KIAA1671: variants seen among roughly 807,000 people sequenced by gnomAD.
KIAA1671 encodes uncharacterized protein KIAA1671.
Under a neutral mutation model 131.2 loss-of-function variants are expected in KIAA1671, and 52 were observed. That is an observed-to-expected ratio of 0.40 (90% CI 0.32 to 0.50). The LOEUF (loss-of-function observed/expected upper bound fraction) is 0.50, where lower values mean the gene tolerates loss of function less well. Ranked by LOEUF, KIAA1671 falls within the 20% of genes least tolerant of loss-of-function variation. The pLI is 0.73. For missense variants in KIAA1671, 2,360 were observed against 2,364.2 expected (o/e 1.00, Z 0.04); for synonymous variants, 1,003 against 961.6 (o/e 1.04, Z -0.80).
chr22:25,067,495 C>T (rs1458127006), intron 6 of KIAA1671, among the ~76,000 whole-genome samples: 2 of 152,054 alleles, frequency 1.3e-5, no homozygotes, highest in Non-Finnish European at 2.9e-5. Context: ...CCTCTCCCTC[C>T]ATGTCTCTCG....
At chr22:25,112,362 C>T (rs949573152) in intron 6 of KIAA1671, 1 of 399,010 alleles carries the variant, frequency 2.5e-6, no homozygotes, top group African/African-American at 2.1e-5. Context: ...CGACACCTGG[C>T]TTCCCGGAGT....
At chr22:24,972,459 C>CAT (rs1922673228) in intron 1 of KIAA1671, among the ~76,000 whole-genome samples, 2 of 151,900 alleles carry the variant, frequency 1.3e-5, no homozygotes, top group African/African-American at 4.8e-5. Flanking sequence ...CATGCATGCA[C>CAT]GCATGCATGC....
intron 6 of KIAA1671, among the ~76,000 whole-genome samples, chr22:25,069,098 T>C (rs6004418): frequency 0.2 from 29,700 of 152,120 alleles, 2,990 homozygotes; most frequent in Non-Finnish European, 0.22. Context: ...CCTGTCTCAC[T>C]GTTTAGCTGC....
At chr22:25,109,335 CTT>C (rs1718619184) in intron 6 of KIAA1671, among the ~76,000 whole-genome samples, 1 of 152,104 alleles carries the variant, frequency 6.6e-6, no homozygotes, top group Non-Finnish European at 1.5e-5. Flanking sequence ...GTCTTGAACT[CTT>C]GACCTTGTGA....
intron 6 of KIAA1671, chr22:25,070,405 C>T (rs192809170): frequency 1.2e-4 from 63 of 509,522 alleles, no homozygotes; most frequent in African/African-American, 8.4e-4. Context: ...GAAGCTCTTG[C>T]GCTACCTCTG....
At chr22:25,149,678 C>A (rs1932971843) in intron 6 of KIAA1671, among the ~76,000 whole-genome samples, 1 of 152,194 alleles carries the variant, frequency 6.6e-6, no homozygotes, top group South Asian at 2.1e-4. Flanking sequence ...CCTCTGTGGC[C>A]TCTCACCTGG....
intron 6 of KIAA1671, among the ~76,000 whole-genome samples, chr22:25,132,635 G>C (rs1461409984): frequency 3.3e-5 from 5 of 152,150 alleles, no homozygotes; most frequent in Non-Finnish European, 7.3e-5. Context: ...CAGAATATCA[G>C]GGCTTGGAAG....
At chr22:25,037,810 C>T (rs769727708) in intron 4 of KIAA1671, among the ~76,000 whole-genome samples, 21 of 151,978 alleles carry the variant, frequency 1.4e-4, no homozygotes, top group African/African-American at 2.4e-4. Context: ...AATTCATCCA[C>T]GGTGTAGGAT....
intron 1 of KIAA1671, among the ~76,000 whole-genome samples, chr22:24,998,257 A>G (rs1051078209): frequency 1.3e-5 from 2 of 151,912 alleles, no homozygotes; most frequent in African/African-American, 4.8e-5. Context: ...AAACACAACA[A>G]CAAAAAATTA....
intron 1 of KIAA1671, among the ~76,000 whole-genome samples, chr22:25,004,742 C>T (rs1438072984): frequency 6.6e-5 from 10 of 151,620 alleles, no homozygotes; most frequent in Admixed American, 3.3e-4. Context: ...GTCAGGAGTT[C>T]GAGACCATCC....
chr22:25,029,438 A>T lies in KIAA1671; in HGVS notation c.1439A>T (p.Gln480Leu), dbSNP rs1399406332. 1 of 1,551,296 alleles carries T rather than the reference A, an allele frequency of 6.4e-7. No homozygotes were observed. Among genetic ancestry groups the T allele is most frequent in the African/African-American group, 1.4e-5 (1 of 73,058 alleles). Residue 480 changes from glutamine to leucine, a missense_variant, in exon 3 of 13, where the codon CAG becomes CTG. Physicochemically the swap from Gln to Leu is moderately radical, Grantham distance 113. Around this residue, in one of 3 missense-constraint regions of KIAA1671, gnomAD observed 1,185 missense variants for 1,126.2 expected, o/e 1.05. Coordinates refer to ENST00000358431, the MANE Select transcript of KIAA1671 (RefSeq NM_001145206.2). ...PEPEKGVVSV[Q>L]ERIRGWTAES... ...CCGGAGAAAGGGGTTGTGAGCGTTC[A>T]GGAACGGATCAGAGGCTGGACTGCC...
At chr22:24,979,591 C>T (rs1482664535) in intron 1 of KIAA1671, among the ~76,000 whole-genome samples, 9 of 148,476 alleles carry the variant, frequency 6.1e-5, no homozygotes, top group African/African-American at 1.7e-4. Context: ...CCTTGTGATC[C>T]GCCCGCCTCG....
At chr22:24,960,416 C>T (rs555033369) in intron 1 of KIAA1671, among the ~76,000 whole-genome samples, 5 of 150,452 alleles carry the variant, frequency 3.3e-5, no homozygotes, top group South Asian at 2.1e-4. Flanking sequence ...CATGGTGGCA[C>T]GCGCCTGTAA....
chr22:25,063,414 T>G (rs1329653586), intron 6 of KIAA1671: 1 of 152,180 alleles, frequency 6.6e-6, no homozygotes, highest in Non-Finnish European at 1.5e-5. Context: ...CTGCAGCAAC[T>G]TAGACGGAGC....
intron 6 of KIAA1671, among the ~76,000 whole-genome samples, chr22:25,067,383 G>C (rs905638566): frequency 6.6e-6 from 1 of 151,948 alleles, no homozygotes; most frequent in Non-Finnish European, 1.5e-5. Context: ...CCCGCCTCCC[G>C]GGCCATCAGT....
At chr22:25,003,400 ATTTT>A (rs71191013) in intron 1 of KIAA1671, among the ~76,000 whole-genome samples, 88 of 113,814 alleles carry the variant, frequency 7.7e-4, no homozygotes, top group African/African-American at 3.5e-3. Context: ...ACTTGGAGAG[ATTTT>A]TTTTTTTTTT....
Position 25,038,555 on chromosome 22 carries a change from C to T in KIAA1671, c.1630-205C>T, listed in dbSNP as rs562861506. ...ATAGATACATTGCTTTGCCCAAAGTCGGGTTCATTTATGTTCTCTCCAACA... is the reference window on the plus strand; with the variant it reads ...ATAGATACATTGCTTTGCCCAAAGTTGGGTTCATTTATGTTCTCTCCAACA... On this transcript the variant is annotated intron_variant, in intron 4 of 12. Transcript: ENST00000358431. Among the ~76,000 whole-genome samples, 45 of 152,324 alleles carry T rather than the reference C, an allele frequency of 3.0e-4. 1 individual carries two copies. In the East Asian group the frequency reaches 3.9e-3, roughly 13 times the overall value.
intron 1 of KIAA1671, among the ~76,000 whole-genome samples, chr22:24,970,878 G>A (rs767894588): frequency 1.3e-5 from 2 of 152,114 alleles, no homozygotes; most frequent in Non-Finnish European, 2.9e-5. Flanking sequence ...AATGCAGACT[G>A]AGCCAGACCC....
intron 2 of KIAA1671, among the ~76,000 whole-genome samples, chr22:25,026,839 C>T (rs1384578562): frequency 2.0e-5 from 3 of 152,192 alleles, no homozygotes; most frequent in African/African-American, 7.2e-5. Context: ...CCTTCATCTC[C>T]ATGAGGGAGA....
Sources: gnomAD v4.1 joint callset for allele counts (sites outside exome capture counted in the v4.1 genomes callset) on GRCh38, gnomAD v4.1.1 for gene constraint, gnomAD v4.1.1 regional missense constraint, MANE v1.5 for transcripts, NCBI Gene and HGNC (gene_info 2026-07-23, HGNC 2026-07-21) for gene names.